Variants in FOCAD observed in about 807,000 individuals in gnomAD.
The protein encoded by FOCAD is focadhesin.
A neutral mutation model predicts 225.6 loss-of-function variants in FOCAD; 198 were observed. That is an observed-to-expected ratio of 0.88 (90% confidence interval 0.78 to 0.99). The LOEUF is 0.99. FOCAD is among the 50% of genes least tolerant of loss of function. The pLI, the probability that FOCAD is intolerant of heterozygous loss-of-function variation, is 0.00. For synonymous variants in FOCAD, 897 were observed against 755.0 expected (o/e 1.19, Z -3.08); for missense variants, 2,713 against 2,123.6 (o/e 1.28, Z -5.46).
chr9:20,668,308 A>G lies in FOCAD; in HGVS notation c.-78+9482A>G, dbSNP rs75253838. ...CATTTTAACAACTAGATACAAAAAG[A>G]GAAGCAAAGTGAAGGACATCCTCTT... On this transcript the variant is annotated intron_variant, in intron 2 of 45. Coordinates refer to the FOCAD transcript ENST00000380249. Among the ~76,000 whole-genome samples, 66 of 152,350 alleles carry G rather than the reference A, an allele frequency of 4.3e-4. 1 individual carries two copies. The East Asian group carries it at 6.8e-3, about 16-fold the overall frequency.
intron 1 of FOCAD, among the ~76,000 whole-genome samples, chr9:20,709,846 C>G (rs1010721723): frequency 2.6e-5 from 4 of 152,144 alleles, no homozygotes; most frequent in African/African-American, 9.7e-5. Flanking sequence ...TTAGGGCTGT[C>G]TTTTGTAATC....
intron 2 of FOCAD, among the ~76,000 whole-genome samples, chr9:20,663,035 C>G (rs1821781207): frequency 6.6e-6 from 1 of 152,100 alleles, no homozygotes; most frequent in Non-Finnish European, 1.5e-5. Context: ...AGTAAACAAA[C>G]TATAAAACAA....
At chr9:20,750,082 C>T (rs1828410378) in intron 5 of FOCAD, among the ~76,000 whole-genome samples, 2 of 152,096 alleles carry the variant, frequency 1.3e-5, no homozygotes, top group South Asian at 2.1e-4. Flanking sequence ...CTGTGTGCTT[C>T]CTCTGCTTTT....
rs537769829 is a variant in FOCAD, at chr9:20,917,954, T to C, written c.2852+1017T>C. 3.3e-5 allele frequency among the ~76,000 whole-genome samples: 5 copies of C among 152,304 alleles called. No individual in the cohort carries two copies. In the South Asian group the frequency reaches 1.0e-3, roughly 32 times the overall value. On this transcript the variant is annotated intron_variant, in intron 24 of 43. Coordinates refer to ENST00000338382, the MANE Select transcript of FOCAD (RefSeq NM_001375567.1). ...AAGTGATAATCCTCCCCTGACTCAG[T>C]CCTATGGAAGGCACTGGGAAATATC...
chr9:20,919,656 C>G (rs565366496), intron 24 of FOCAD, among the ~76,000 whole-genome samples: 2 of 152,084 alleles, frequency 1.3e-5, no homozygotes, highest in East Asian at 3.8e-4. Context: ...GAAATAACAC[C>G]GCATATCTAC....
chr9:20,795,635 T>A (rs1364219756), intron 11 of FOCAD, among the ~76,000 whole-genome samples: 1 of 151,500 alleles, frequency 6.6e-6, no homozygotes, highest in African/African-American at 2.4e-5. Context: ...ATACAAAAAC[T>A]TAGTCGGGCG....
intron 9 of FOCAD, 83 bp downstream of exon 9, chr9:20,778,851 A>G (rs1209721327): frequency 3.0e-6 from 2 of 662,110 alleles, no homozygotes; most frequent in South Asian, 2.5e-5. Flanking sequence ...GTATCCTGCT[A>G]TCTTGTGTAT....
chr9:20,751,851 T>C (rs1828580532), intron 5 of FOCAD, among the ~76,000 whole-genome samples: 1 of 145,122 alleles, frequency 6.9e-6, no homozygotes, highest in East Asian at 2.0e-4. Flanking sequence ...ATTGCCATTC[T>C]AACTGGTGTG....
chr9:20,987,146 G>C (rs182596676), intron 40 of FOCAD, among the ~76,000 whole-genome samples: 36 of 152,118 alleles, frequency 2.4e-4, no homozygotes, highest in Non-Finnish European at 4.3e-4. Context: ...TGGACAAATT[G>C]CTTATGCTTC....
intron 25 of FOCAD, 69 bp downstream of exon 25, chr9:20,923,837 C>A: frequency 8.4e-6 from 10 of 1,196,084 alleles, no homozygotes; most frequent in Non-Finnish European, 1.2e-5. Flanking sequence ...GGTAGCCTGG[C>A]CCTGGGCTTA....
At chr9:20,835,122 A>T (rs970741601) in intron 15 of FOCAD, among the ~76,000 whole-genome samples, 1 of 152,008 alleles carries the variant, frequency 6.6e-6, no homozygotes, top group South Asian at 2.1e-4. Flanking sequence ...GTCAGAATTT[A>T]TCAAACTGTA....
intron 15 of FOCAD, among the ~76,000 whole-genome samples, chr9:20,828,166 A>G (rs1825104842): frequency 6.6e-6 from 1 of 152,024 alleles, no homozygotes; most frequent in African/African-American, 2.4e-5. Context: ...AAAAAAAAAA[A>G]AAAGAGAGAA....
At position 20,749,493 on chromosome 9, in the gene FOCAD, C is replaced by T. The variant is rs1474963962; in HGVS notation, c.393-8597C>T. 3.3e-5 allele frequency among the ~76,000 whole-genome samples: 5 copies of T among 152,016 alleles called. No individual in the cohort carries two copies. The East Asian group carries it at 5.8e-4, about 18-fold the overall frequency. On this transcript the variant is annotated intron_variant, in intron 5 of 43. Coordinates refer to ENST00000338382, the MANE Select transcript of FOCAD (RefSeq NM_001375567.1). ...TCATGGTGGAATCTTCATAATTTTTCGTTATGCATCTTCTAACTTAAAATC... is the reference window on the plus strand; with the variant it reads ...TCATGGTGGAATCTTCATAATTTTTTGTTATGCATCTTCTAACTTAAAATC...
At chr9:20,856,694 T>A (rs1828218443) in intron 15 of FOCAD, among the ~76,000 whole-genome samples, 1 of 151,984 alleles carries the variant, frequency 6.6e-6, no homozygotes, top group African/African-American at 2.4e-5. Context: ...GTTTCCCCAA[T>A]GTTTTCTTAT....
intron 2 of FOCAD, among the ~76,000 whole-genome samples, chr9:20,660,613 A>G (rs1013019994): frequency 2.6e-5 from 4 of 152,238 alleles, no homozygotes; most frequent in Non-Finnish European, 4.4e-5. Context: ...AGAGACAGCA[A>G]CAGTTTGGTT....
intron 4 of FOCAD, among the ~76,000 whole-genome samples, chr9:20,730,476 G>C (rs900770682): frequency 1.3e-5 from 2 of 152,024 alleles, no homozygotes; most frequent in Non-Finnish European, 2.9e-5. Flanking sequence ...TAATTATAAT[G>C]AGCTTATGGA....
At chr9:20,843,945 G>A (rs1033675375) in intron 15 of FOCAD, among the ~76,000 whole-genome samples, 2 of 152,088 alleles carry the variant, frequency 1.3e-5, no homozygotes, top group Admixed American at 6.6e-5. Flanking sequence ...TATTAAAAGA[G>A]GGTTTGATTC....
At chr9:20,916,288 T>C (rs145829880) in intron 23 of FOCAD, among the ~76,000 whole-genome samples, 1 of 152,324 alleles carries the variant, frequency 6.6e-6, no homozygotes, top group Non-Finnish European at 1.5e-5. Flanking sequence ...TTAGGTTCTG[T>C]AAATATTTGA....
At chr9:20,797,747 C>A (rs545666604) in intron 11 of FOCAD, among the ~76,000 whole-genome samples, 56 of 152,258 alleles carry the variant, frequency 3.7e-4, no homozygotes, top group African/African-American at 1.3e-3. Flanking sequence ...AGATTTTGGG[C>A]TGAGACGATG....
Sources: gnomAD v4.1 joint callset for allele counts (sites outside exome capture counted in the v4.1 genomes callset) on GRCh38, gnomAD v4.1.1 for gene constraint, MANE v1.5 for transcripts, NCBI Gene and HGNC (gene_info 2026-07-23, HGNC 2026-07-21) for gene names.